Variants in CACNA2D2 observed in about 807,000 individuals in gnomAD.
The protein encoded by CACNA2D2 is calcium voltage-gated channel auxiliary subunit alpha2delta 2, also known as voltage-dependent calcium channel subunit alpha-2/delta-2.
Under a neutral mutation model 166.4 loss-of-function variants are expected in CACNA2D2, and 48 were observed. The observed-to-expected ratio is 0.29, with a 90% CI of 0.23 to 0.37. CACNA2D2 has a LOEUF of 0.37. CACNA2D2 is among the 10% of genes least tolerant of loss of function. The probability of loss-of-function intolerance (pLI) is 1.00; values close to 1 mark genes in which losing one functional copy is unlikely to be tolerated. For synonymous variants in CACNA2D2, 561 were observed against 573.7 expected, an observed-to-expected ratio of 0.98 and a Z score of 0.32; for missense variants, 1,122 against 1,433.0, an observed-to-expected ratio of 0.78 and a Z score of 3.50.
At chr3:50,417,891 T>G (rs1250700757) in intron 3 of CACNA2D2, among the ~76,000 whole-genome samples, 1 of 152,178 alleles carries the variant, frequency 6.6e-6, no homozygotes, top group Non-Finnish European at 1.5e-5. Context: ...TGGCACACAG[T>G]AGACACTTAG....
chr3:50,459,726 G>C (rs1709513536), intron 2 of CACNA2D2, among the ~76,000 whole-genome samples: 1 of 152,230 alleles, frequency 6.6e-6, no homozygotes, highest in Admixed American at 6.5e-5. Flanking sequence ...CGGGATGTGA[G>C]TGAGTCCAGG....
chr3:50,381,130 G>A lies in CACNA2D2; in HGVS notation c.653-4C>T, dbSNP rs1434113410. The A allele has an allele frequency of 6.2e-7, 1 of 1,613,636 alleles. No homozygotes were observed. The highest frequency in any genetic ancestry group is 1.7e-5 in the Admixed American group (1 of 60,000). ...AGCTCATTGAGGATGACAGTGGCTG[G>A]GGGGAAGCGGGGAGCTGGGGTGGGG... is the stretch of plus-strand genomic sequence containing the variant. On this transcript the variant is annotated splice_region_variant and splice_polypyrimidine_tract_variant and intron_variant, in intron 6 of 37. Coordinates refer to ENST00000424201, the MANE Select transcript of CACNA2D2 (RefSeq NM_006030.4).
rs1704884907 is a variant in CACNA2D2, at chr3:50,374,801, C to T, written c.1920G>A (p.Val640=). The change falls in exon 22 of 38, where the codon GTG becomes GTA. Residue 640 remains valine, a synonymous_variant. Transcript: ENST00000424201. Reference sequence around the variant, plus strand: ...GGTAGAAGGTGCTGTAGGGTGGGAGCACCAGCCCCAGGCTGAGGGGGGAGA... The same window carrying T: ...GGTAGAAGGTGCTGTAGGGTGGGAGTACCAGCCCCAGGCTGAGGGGGGAGA... ...IRSTNYSLGL[V]LPPYSTFYLQ... is the part of the protein sequence containing the mutation. The T allele has an allele frequency of 6.3e-7, 1 of 1,591,266 alleles. No homozygotes were observed. The highest frequency in any genetic ancestry group is 8.5e-7 in the Non-Finnish European group (1 of 1,169,856).
At position 50,380,828 on chromosome 3, in the gene CACNA2D2, G is replaced by A; in HGVS notation, c.785-23C>T. On this transcript the variant is annotated intron_variant, in intron 7 of 37. Transcript: ENST00000424201. This position sits in a 1 kb window ranked among gnomAD's most constrained non-coding sequence, Gnocchi z 4.9. ...TGGCTGAGGGAGGAGAGAAGGTGAG[G>A]GGGACTGGCAGGAAAGGGCTGGCCT... 3 of 1,543,322 alleles carry A rather than the reference G, an allele frequency of 1.9e-6. No homozygotes were observed. The highest frequency in any genetic ancestry group is 2.6e-6 in the Non-Finnish European group (3 of 1,144,710).
intron 3 of CACNA2D2, among the ~76,000 whole-genome samples, chr3:50,407,209 G>A (rs548612220): frequency 9.2e-5 from 14 of 151,930 alleles, no homozygotes; most frequent in African/African-American, 3.4e-4. Context: ...GGGAGCTGAG[G>A]CCTGGAAGGA....
chr3:50,375,935 C>T lies in CACNA2D2; in HGVS notation c.1773+28G>A. 1 of 1,612,966 alleles carries T rather than the reference C, an allele frequency of 6.2e-7. No individual in the cohort carries two copies. Among genetic ancestry groups the T allele is most frequent in the South Asian group, 1.1e-5 (1 of 91,076 alleles). ...GCCCCTACACTCCTCTGCTCTGTCCCCCACCCCTGTTCTCCTCCTCTCCTT... is the reference window on the plus strand; with the variant it reads ...GCCCCTACACTCCTCTGCTCTGTCCTCCACCCCTGTTCTCCTCCTCTCCTT... On this transcript the variant is annotated intron_variant, in intron 19 of 37. Transcript: ENST00000424201. This position sits in a 1 kb window ranked among gnomAD's most constrained non-coding sequence, Gnocchi z 4.0.
intron 22 of CACNA2D2, among the ~76,000 whole-genome samples, chr3:50,371,384 ATCTC>A (rs1482808992): frequency 6.6e-6 from 1 of 151,362 alleles, no homozygotes; most frequent in African/African-American, 2.4e-5. Flanking sequence ...AAGTGTGAGT[ATCTC>A]TGTATGGGTT....
At chr3:50,451,959 A>G (rs1264870657) in intron 2 of CACNA2D2, among the ~76,000 whole-genome samples, 3 of 152,200 alleles carry the variant, frequency 2.0e-5, no homozygotes, top group East Asian at 3.9e-4. Flanking sequence ...CCTGGGTCCA[A>G]GCTGCACAAG....
At chr3:50,406,434 G>A (rs1706714224) in intron 3 of CACNA2D2, among the ~76,000 whole-genome samples, 1 of 151,566 alleles carries the variant, frequency 6.6e-6, no homozygotes, top group African/African-American at 2.4e-5. Context: ...CACTCCACAG[G>A]GAGCCCCCCA....
chr3:50,372,516 G>C (rs945065699), intron 22 of CACNA2D2, among the ~76,000 whole-genome samples: 1 of 152,192 alleles, frequency 6.6e-6, no homozygotes, highest in Non-Finnish European at 1.5e-5. Context: ...CCCAGCATCA[G>C]GGCGTGAGGC....
At position 50,364,696 on chromosome 3, in the gene CACNA2D2, T is replaced by G. The variant is rs150284749; in HGVS notation, c.3402A>C (p.Gln1134His). The G allele has an allele frequency of 1.5e-3, 2,261 of 1,543,274 alleles. 2 individuals carry two copies. Among genetic ancestry groups the G allele is most frequent in the South Asian group, 1.8e-3 (151 of 83,916 alleles). ...LLGLPPRPQP[Q>H]VLVHASRRL ...GGCGGCGAGAGGCGTGGACGAGGAC[T>G]TGAGGCTGCGGCCGGGGCGGCAGGC... Residue 1134 changes from glutamine (Q) to histidine (H), a missense_variant, in exon 38 of 38, where the codon CAA (glutamine) becomes CAC (histidine). Around this residue, in one of 2 missense-constraint regions of CACNA2D2, gnomAD observed 282 missense variants for 266.2 expected, o/e 1.06. Transcript: ENST00000424201.
In CACNA2D2 at chr3:50,503,605, T is replaced by G. The variant is rs938908605; in HGVS notation, c.-182A>C. The G allele has an allele frequency of 4.9e-5, 8 of 164,522 alleles. 1 individual carries two copies. The South Asian group carries it at 1.3e-3, about 26-fold the overall frequency. 10.2% of individuals were successfully genotyped at this position (164,522 alleles called of 1,614,324 possible). A position where few individuals can be genotyped will look rare whatever the true frequency, so the allele number is the denominator to read the frequency against. ...CGCCTCTGCGGGCTGCGCGCTGCTATCTCCCTGCAGCGCTGGCTCCAAGCG... is the reference window on the plus strand; with the variant it reads ...CGCCTCTGCGGGCTGCGCGCTGCTAGCTCCCTGCAGCGCTGGCTCCAAGCG... On this transcript the variant is annotated 5_prime_UTR_variant, in exon 1 of 38. Coordinates refer to ENST00000424201, the MANE Select transcript of CACNA2D2 (RefSeq NM_006030.4).
chr3:50,442,591 G>T (rs1370380748), intron 2 of CACNA2D2, among the ~76,000 whole-genome samples: 2 of 152,156 alleles, frequency 1.3e-5, no homozygotes, highest in African/African-American at 4.8e-5. Flanking sequence ...GTGGCACTCA[G>T]ACAAGGTATT....
intron 5 of CACNA2D2, 32 bp from the exon 6 acceptor site, chr3:50,384,369 G>A (rs1165620526): frequency 1.2e-6 from 2 of 1,610,166 alleles, no homozygotes; most frequent in African/African-American, 1.3e-5. Flanking sequence ...GCAATGTCAG[G>A]GCTGGAAAAT....
At chr3:50,402,572 C>T (rs891343254) in intron 3 of CACNA2D2, among the ~76,000 whole-genome samples, 1 of 152,228 alleles carries the variant, frequency 6.6e-6, no homozygotes, top group Non-Finnish European at 1.5e-5. Context: ...CATATGAAGG[C>T]ACCTCACCCT....
intron 22 of CACNA2D2, among the ~76,000 whole-genome samples, chr3:50,370,790 A>C (rs980978149): frequency 1.3e-5 from 2 of 152,042 alleles, no homozygotes; most frequent in African/African-American, 4.8e-5. Context: ...TCACATCCAT[A>C]ATGGAAAAAA....
chr3:50,451,855 G>A (rs180997375), intron 2 of CACNA2D2, among the ~76,000 whole-genome samples: 9 of 152,306 alleles, frequency 5.9e-5, no homozygotes, highest in South Asian at 4.1e-4. Context: ...AGGTGGAGGC[G>A]TGGCAATGGT....
Position 50,380,006 on chromosome 3 carries a change from C to G in CACNA2D2, c.855G>C (p.Gly285=), listed in dbSNP as rs1234300864. ...TGACCATGTCTTTGGGTGACGAGGC[C>G]CCCTGGATATACCTGCCCAGGAGAT... ...DVRRRPWYIQ[G]ASSPKDMVII... The change falls in exon 9 of 38, where the codon GGG becomes GGC. Residue 285 remains glycine, a synonymous_variant. Coordinates refer to ENST00000424201, the MANE Select transcript of CACNA2D2 (RefSeq NM_006030.4). The surrounding 1 kb of genome is among the most constrained non-coding windows in gnomAD (Gnocchi z 4.9). 6.2e-7 allele frequency: 1 copy of G among 1,614,072 alleles called. No individual in the cohort carries two copies. The highest frequency in any genetic ancestry group is 8.5e-7 in the Non-Finnish European group (1 of 1,180,028).
At chr3:50,460,063 T>C (rs1709524618) in intron 2 of CACNA2D2, among the ~76,000 whole-genome samples, 1 of 152,084 alleles carries the variant, frequency 6.6e-6, no homozygotes, top group Non-Finnish European at 1.5e-5. Flanking sequence ...GTTCCAACTG[T>C]GGCTACAACA....
Sources: allele counts gnomAD v4.1 joint callset (sites outside exome capture counted in the v4.1 genomes callset), GRCh38; gene constraint gnomAD v4.1.1; regional missense constraint gnomAD v4.1.1; non-coding constraint Gnocchi (gnomAD v3.1); transcripts MANE v1.5; gene names NCBI Gene and HGNC (gene_info 2026-07-23, HGNC 2026-07-21).